Variants in RXRA observed in about 807,000 individuals in gnomAD.
The protein encoded by RXRA is retinoid X receptor alpha.
Under a neutral mutation model 44.5 loss-of-function variants are expected in RXRA, and 5 were observed. The ratio of observed to expected loss-of-function variants is 0.11; its 90% CI spans 0.06 to 0.24. The LOEUF is 0.24. RXRA is among the 10% of genes least tolerant of loss of function. RXRA has a pLI of 1.00. For synonymous variants in RXRA, 291 were observed against 271.4 expected (o/e 1.07, Z -0.71); for missense variants, 412 against 646.5 (o/e 0.64, Z 3.93).
At chr9:134,396,885 A>C (rs2119133035) in intron 1 of RXRA, among the ~76,000 whole-genome samples, 1 of 152,266 alleles carries the variant, frequency 6.6e-6, no homozygotes, top group East Asian at 1.9e-4. Context: ...TGCAGATTCC[A>C]AAGGGATGTG....
intron 1 of RXRA, among the ~76,000 whole-genome samples, chr9:134,395,617 G>C (rs1255267515): frequency 6.6e-6 from 1 of 152,210 alleles, no homozygotes; most frequent in Non-Finnish European, 1.5e-5. Context: ...CTCAGAGCAG[G>C]GGCCTGAGTG....
intron 4 of RXRA, among the ~76,000 whole-genome samples, chr9:134,415,055 T>C (rs1393152242): frequency 6.6e-6 from 1 of 152,162 alleles, no homozygotes; most frequent in Admixed American, 6.5e-5. Context: ...AGGTTTCCAG[T>C]AGGGCCAGGC....
chr9:134,379,959 G>A (rs1415260511), intron 1 of RXRA: 2 of 985,180 alleles, frequency 2.0e-6, no homozygotes, highest in Non-Finnish European at 2.4e-6. Flanking sequence ...GCTCCCCTGG[G>A]GGTTGGTGGA....
At chr9:134,358,093 C>T (rs577116817) in intron 1 of RXRA, among the ~76,000 whole-genome samples, 398 of 152,384 alleles carry the variant, frequency 2.6e-3, no homozygotes, top group Non-Finnish European at 4.6e-3. Context: ...CACGGGAGGC[C>T]GTGGGCCGCT....
intron 1 of RXRA, among the ~76,000 whole-genome samples, chr9:134,355,712 C>T (rs1175038132): frequency 6.6e-6 from 1 of 152,154 alleles, no homozygotes; most frequent in South Asian, 2.1e-4. Context: ...GGTCCTGGGC[C>T]TGCTCCTCTG....
intron 5 of RXRA, among the ~76,000 whole-genome samples, chr9:134,421,379 C>G (rs1287799886): frequency 6.6e-6 from 1 of 152,160 alleles, no homozygotes; most frequent in African/African-American, 2.4e-5. Flanking sequence ...GTGATCTCAT[C>G]TCTTCCTCTG....
chr9:134,397,333 C>T (rs1194003770), intron 1 of RXRA, among the ~76,000 whole-genome samples: 1 of 152,192 alleles, frequency 6.6e-6, no homozygotes, highest in Non-Finnish European at 1.5e-5. Context: ...GTTACTAAAC[C>T]TGCCGCTTAG....
intron 1 of RXRA, among the ~76,000 whole-genome samples, chr9:134,341,418 C>T (rs536963148): frequency 1.0e-3 from 153 of 152,260 alleles, no homozygotes; most frequent in African/African-American, 3.5e-3. Context: ...GAACCTGGAG[C>T]CGAGCCCTCC....
rs779824306 is a variant in RXRA at position 134,408,145 on chromosome 9, C to G, written c.280-4C>G. 62 of 1,547,384 alleles carry G rather than the reference C, an allele frequency of 4.0e-5. No homozygotes were observed. Among genetic ancestry groups the G allele is most frequent in the Non-Finnish European group, 4.4e-5 (51 of 1,149,086 alleles). On this transcript the variant is annotated splice_polypyrimidine_tract_variant and splice_region_variant and intron_variant, in intron 2 of 9. Coordinates refer to ENST00000481739, the MANE Select transcript of RXRA (RefSeq NM_002957.6). Reference sequence around the variant, plus strand: ...CCGCTGACTGCTGTGGTTGCCCCCCCCAGCTCAGCTCACCTATGAACCCCG... The same window carrying G: ...CCGCTGACTGCTGTGGTTGCCCCCCGCAGCTCAGCTCACCTATGAACCCCG...
chr9:134,342,923 G>A lies in RXRA; in HGVS notation c.28+16264G>A, dbSNP rs1830103829. Reference sequence around the variant, plus strand: ...GTGGCATGACTGCGGATGCAGGCACGTGTGGGTGCTGGGGATTGTCTGGTA... The same window carrying A: ...GTGGCATGACTGCGGATGCAGGCACATGTGGGTGCTGGGGATTGTCTGGTA... On this transcript the variant is annotated intron_variant, in intron 1 of 9. Transcript: ENST00000481739. This position sits in a 1 kb window ranked among gnomAD's most constrained non-coding sequence, Gnocchi z 4.4. Among the ~76,000 whole-genome samples, 3 of 152,180 alleles carry A rather than the reference G, an allele frequency of 2.0e-5. No homozygotes were observed. Among genetic ancestry groups the A allele is most frequent in the South Asian group, 2.1e-4 (1 of 4,836 alleles).
rs1452529132 is a variant in RXRA at position 134,439,330 on chromosome 9, G to T, written c.*2716G>T. 4 of 152,184 alleles carry T rather than the reference G, an allele frequency of 2.6e-5. No homozygotes were observed. Among genetic ancestry groups the T allele is most frequent in the Admixed American group, 2.6e-4 (4 of 15,280 alleles). 9.4% of individuals were successfully genotyped at this position (152,184 alleles called of 1,614,324 possible). A position where few individuals can be genotyped will look rare whatever the true frequency, so the allele number is the denominator to read the frequency against. On this transcript the variant is annotated 3_prime_UTR_variant, in exon 10 of 10. Coordinates refer to ENST00000481739, the MANE Select transcript of RXRA (RefSeq NM_002957.6). ...CACCTTCAGGCACGCTCCTCAGCTG[G>T]TCACCTCCCGGCTTTGCCGTTCAGA...
intron 1 of RXRA, among the ~76,000 whole-genome samples, chr9:134,334,174 C>A (rs13440358): frequency 0.051 from 7,843 of 152,350 alleles, 663 homozygotes; most frequent in African/African-American, 0.18. Flanking sequence ...GAGCTCTCCA[C>A]GTGCCAGCCA....
At position 134,440,160 on chromosome 9, in the gene RXRA, G is replaced by A. The variant is rs963561671; in HGVS notation, c.*3546G>A. 1 of 152,162 alleles carries A rather than the reference G, an allele frequency of 6.6e-6. No homozygotes were observed. Among genetic ancestry groups the A allele is most frequent in the South Asian group, 2.1e-4 (1 of 4,830 alleles). 9.4% of individuals were successfully genotyped at this position (152,162 alleles called of 1,614,324 possible). A position where few individuals can be genotyped will look rare whatever the true frequency, so the allele number is the denominator to read the frequency against. On this transcript the variant is annotated 3_prime_UTR_variant, in exon 10 of 10. Coordinates refer to ENST00000481739, the MANE Select transcript of RXRA (RefSeq NM_002957.6). ...CATGTATACTTGGATATGGCGGGGG[G>A]AGGGCTGGGACTGTTTCGTTTCTGC...
At chr9:134,358,327 G>A (rs1485061549) in intron 1 of RXRA, among the ~76,000 whole-genome samples, 2 of 152,156 alleles carry the variant, frequency 1.3e-5, no homozygotes, top group Non-Finnish European at 1.5e-5. Context: ...AGGCAGGCAG[G>A]CAGGAGCCAC....
chr9:134,354,724 G>GTGTTGCTTGC (rs1830262475), intron 1 of RXRA, among the ~76,000 whole-genome samples: 1 of 152,262 alleles, frequency 6.6e-6, no homozygotes, highest in South Asian at 2.1e-4. Context: ...AGACTGAAAT[G>GTGTTGCTTGC]TTCAGAGGCC....
intron 5 of RXRA, 54 bp from the exon 6 acceptor site, chr9:134,421,622 G>A: frequency 6.5e-7 from 1 of 1,528,610 alleles, no homozygotes; most frequent in Non-Finnish European, 8.8e-7. Context: ...GCTGTGTTTG[G>A]TCAGTACACT....
chr9:134,361,054 C>T (rs773809815), intron 1 of RXRA, among the ~76,000 whole-genome samples: 7 of 152,226 alleles, frequency 4.6e-5, no homozygotes, highest in Non-Finnish European at 8.8e-5. Context: ...TGCCTCACCC[C>T]GGCCCTGCCA....
At position 134,407,720 on chromosome 9, in the gene RXRA, T is replaced by G. The variant is rs1831077157; in HGVS notation, c.280-429T>G. Among the ~76,000 whole-genome samples the G allele has an allele frequency of 6.6e-6, 1 of 152,024 alleles. No homozygotes were observed. ...TCCTGGGAACTGGGCTTCGGCGTCC[T>G]CATGTGTGGGTTGGGACCCCCCAGA... On this transcript the variant is annotated intron_variant, in intron 2 of 9. Transcript: ENST00000481739. The surrounding 1 kb of genome is among the most constrained non-coding windows in gnomAD (Gnocchi z 4.8).
intron 7 of RXRA, 87 bp downstream of exon 7, chr9:134,429,327 C>A: frequency 7.3e-7 from 1 of 1,363,350 alleles, no homozygotes; most frequent in Non-Finnish European, 1.0e-6. Context: ...CCCCGGTGCA[C>A]ATCCTGCCTA....
Sources: gnomAD v4.1 joint callset for allele counts (sites outside exome capture counted in the v4.1 genomes callset) on GRCh38, gnomAD v4.1.1 for gene constraint, Gnocchi (gnomAD v3.1) non-coding constraint, MANE v1.5 for transcripts, NCBI Gene and HGNC (gene_info 2026-07-23, HGNC 2026-07-21) for gene names.